The following LRP1B variants were observed in gnomAD, a reference collection of about 807,000 sequenced individuals.
The protein encoded by LRP1B is low-density lipoprotein receptor-related protein 1B.
In LRP1B, 217 loss-of-function variants were observed where a neutral mutation model predicts 556.6. The ratio of observed to expected loss-of-function variants is 0.39; its 90% CI spans 0.35 to 0.44. LRP1B has a LOEUF of 0.44. Ranked by LOEUF, LRP1B falls within the 20% of genes least tolerant of loss-of-function variation. LRP1B has a pLI of 1.00. For synonymous variants in LRP1B, 2,047 were observed against 1,865.8 expected (o/e 1.10, Z -2.50); for missense variants, 5,053 against 5,620.8 (o/e 0.90, Z 3.23).
chr2:141,519,719 AG>A (rs1319827584), intron 2 of LRP1B, among the ~76,000 whole-genome samples: 2 of 152,108 alleles, frequency 1.3e-5, no homozygotes, highest in African/African-American at 4.8e-5. Context: ...GTATATATGT[AG>A]ACCTGTACTC....
intron 6 of LRP1B, among the ~76,000 whole-genome samples, chr2:141,196,289 T>C (rs891707739): frequency 6.6e-6 from 1 of 152,134 alleles, no homozygotes; most frequent in Non-Finnish European, 1.5e-5. Context: ...CAAGTGCATT[T>C]ACTTTCGTAA....
chr2:141,620,524 A>T (rs1264258724), intron 2 of LRP1B, among the ~76,000 whole-genome samples: 1 of 152,244 alleles, frequency 6.6e-6, no homozygotes, highest in Non-Finnish European at 1.5e-5. Context: ...ATTTCATTAC[A>T]GACATATTGG....
At chr2:141,464,420 T>C (rs979279337) in intron 3 of LRP1B, among the ~76,000 whole-genome samples, 1 of 81,276 alleles carries the variant, frequency 1.2e-5, no homozygotes, top group Non-Finnish European at 3.0e-5. Context: ...TTGCTGTGAC[T>C]TTTTTTTTTT....
intron 3 of LRP1B, among the ~76,000 whole-genome samples, chr2:141,358,011 T>G (rs1364476814): frequency 1.3e-5 from 2 of 152,178 alleles, no homozygotes; most frequent in Non-Finnish European, 2.9e-5. Flanking sequence ...GACACAATTA[T>G]ATAGAGAATA....
chr2:141,657,655 T>A (rs921999628), intron 2 of LRP1B, among the ~76,000 whole-genome samples: 3 of 152,132 alleles, frequency 2.0e-5, no homozygotes, highest in Non-Finnish European at 2.9e-5. Context: ...CATATCTGAG[T>A]CCAACTTGGA....
intron 18 of LRP1B, among the ~76,000 whole-genome samples, chr2:140,953,381 G>T (rs776865879): frequency 6.6e-6 from 1 of 152,238 alleles, no homozygotes. Flanking sequence ...GAGCCACTGC[G>T]CCTGGCCCAT....
At chr2:142,037,779 G>A (rs914124322) in intron 1 of LRP1B, among the ~76,000 whole-genome samples, 3 of 151,490 alleles carry the variant, frequency 2.0e-5, no homozygotes, top group Middle Eastern at 3.4e-3. Flanking sequence ...AGGTCTAAAC[G>A]TTTATACATT....
At chr2:140,418,022 A>G (rs1050511234) in intron 66 of LRP1B, among the ~76,000 whole-genome samples, 3 of 152,192 alleles carry the variant, frequency 2.0e-5, no homozygotes, top group African/African-American at 7.2e-5. Flanking sequence ...TTAGAAAACC[A>G]CTGGCAGCAC....
At chr2:140,640,250 C>T (rs913113070) in intron 41 of LRP1B, among the ~76,000 whole-genome samples, 1 of 151,626 alleles carries the variant, frequency 6.6e-6, no homozygotes, top group Admixed American at 6.6e-5. Flanking sequence ...CTCGGCCTCT[C>T]GAAGTGCTGG....
At chr2:141,693,076 C>G (rs908267613) in intron 2 of LRP1B, among the ~76,000 whole-genome samples, 2 of 152,056 alleles carry the variant, frequency 1.3e-5, no homozygotes, top group African/African-American at 4.8e-5. Context: ...AACTTTGCCA[C>G]TATGCAGGTC....
chr2:141,116,684 A>G (rs545856335), intron 7 of LRP1B, among the ~76,000 whole-genome samples: 1 of 152,006 alleles, frequency 6.6e-6, no homozygotes, highest in East Asian at 1.9e-4. Flanking sequence ...TGAAGTATGT[A>G]TTTGATTTCC....
At chr2:141,798,698 T>C (rs1163762432) in intron 2 of LRP1B, among the ~76,000 whole-genome samples, 7 of 99,990 alleles carry the variant, frequency 7.0e-5, no homozygotes, top group Non-Finnish European at 9.1e-5. Context: ...AGAGTAAGAC[T>C]CTGTCTCAAA....
At chr2:140,321,046 T>A (rs1343309797) in intron 82 of LRP1B, among the ~76,000 whole-genome samples, 1 of 152,038 alleles carries the variant, frequency 6.6e-6, no homozygotes, top group African/African-American at 2.4e-5. Flanking sequence ...ACAGCAACAC[T>A]CTGTCTCAGT....
At chr2:141,067,143 G>A (rs559696142) in intron 7 of LRP1B, among the ~76,000 whole-genome samples, 1 of 151,868 alleles carries the variant, frequency 6.6e-6, no homozygotes, top group Admixed American at 6.6e-5. Context: ...TACAAAACTT[G>A]AACAAGAAAG....
At chr2:140,859,226 T>C (rs1573811592) in intron 27 of LRP1B, among the ~76,000 whole-genome samples, 1 of 151,902 alleles carries the variant, frequency 6.6e-6, no homozygotes, top group African/African-American at 2.4e-5. Flanking sequence ...TATTTCTTTT[T>C]GACAAAAAAG....
chr2:140,733,232 T>C (rs907975630), intron 35 of LRP1B, among the ~76,000 whole-genome samples: 6 of 152,130 alleles, frequency 3.9e-5, no homozygotes, highest in Non-Finnish European at 7.4e-5. Context: ...ATAGTACGAA[T>C]AACCCTTTCC....
chr2:141,772,933 C>T (rs1024753793), intron 2 of LRP1B, among the ~76,000 whole-genome samples: 9 of 152,208 alleles, frequency 5.9e-5, no homozygotes, highest in African/African-American at 2.2e-4. Context: ...CTCCTGTCTC[C>T]TTGTGTTACC....
intron 1 of LRP1B, among the ~76,000 whole-genome samples, chr2:141,822,009 G>A (rs1280408253): frequency 6.6e-6 from 1 of 151,446 alleles, no homozygotes; most frequent in African/African-American, 2.4e-5. Context: ...TAGGTTTCTT[G>A]TGTTTTTTTA....
At chr2:141,590,129 C>T (rs1687284784) in intron 2 of LRP1B, among the ~76,000 whole-genome samples, 1 of 152,016 alleles carries the variant, frequency 6.6e-6, no homozygotes, top group African/African-American at 2.4e-5. Context: ...TTGATTCTAC[C>T]CAGGCAGGAA....
Sources: gnomAD v4.1 joint callset for allele counts (sites outside exome capture counted in the v4.1 genomes callset) on GRCh38, gnomAD v4.1.1 for gene constraint, MANE v1.5 for transcripts, NCBI Gene and HGNC (gene_info 2026-07-23, HGNC 2026-07-21) for gene names.